NUDT7: variants seen among roughly 807,000 people sequenced by gnomAD.
NUDT7 encodes the protein nudix hydrolase 7.
Under a neutral mutation model 13.1 loss-of-function variants are expected in NUDT7, and 19 were observed. The ratio of observed to expected loss-of-function variants is 1.45; its 90% confidence interval spans 1.01 to 2.13. NUDT7 has a LOEUF of 2.13. Ranked by LOEUF, NUDT7 falls within the 30% of genes most tolerant of loss-of-function variation. NUDT7 has a pLI of 0.00. For synonymous variants in NUDT7, 132 were observed against 109.7 expected (o/e 1.20, Z -1.27); for missense variants, 360 against 291.7 (o/e 1.23, Z -1.71).
intron 2 of NUDT7, among the ~76,000 whole-genome samples, chr16:77,727,572 T>C (rs1597111670): frequency 6.6e-6 from 1 of 152,178 alleles, no homozygotes; most frequent in Admixed American, 6.5e-5. Flanking sequence ...TTATCAGATA[T>C]GGCCGTGTGC....
intron 2 of NUDT7, among the ~76,000 whole-genome samples, chr16:77,731,263 A>C (rs2014309611): frequency 1.3e-5 from 2 of 152,186 alleles, no homozygotes; most frequent in Admixed American, 6.6e-5. Context: ...AAATTGAATA[A>C]AATTGGTATG....
chr16:77,722,616 A>G lies in NUDT7; in HGVS notation c.34A>G (p.Arg12Gly), dbSNP rs372969143. 2,285 of 1,593,828 alleles carry G rather than the reference A, an allele frequency of 1.4e-3. 52 individuals are homozygous for G. The South Asian group carries it at 0.024, about 17-fold the overall frequency. ...ACTTGGTCTTCCCGAGGAGCCAGTC[A>G]GGTAAAGGCTTTCCGGGCCCTGGCA... ...SRLGLPEEPVRNSLLDDAKAR... is the reference protein window; with the variant it reads ...SRLGLPEEPVGNSLLDDAKAR... Residue 12 changes from arginine to glycine, a missense_variant and splice_region_variant, in exon 1 of 4, where the codon AGA becomes GGA. Arg to Gly is a moderately radical substitution (Grantham distance 125, BLOSUM62 -2). Transcript: ENST00000268533.
At chr16:77,727,028 T>A (rs1364147861) in intron 2 of NUDT7, among the ~76,000 whole-genome samples, 1 of 152,040 alleles carries the variant, frequency 6.6e-6, no homozygotes, top group Non-Finnish European at 1.5e-5. Flanking sequence ...TCATGAGAAC[T>A]CACTCACTAT....
chr16:77,722,617 G>T lies in NUDT7; in HGVS notation c.35G>T (p.Arg12Ile). The stretch of plus-strand genomic sequence containing the variant: ...CTTGGTCTTCCCGAGGAGCCAGTCA[G>T]GTAAAGGCTTTCCGGGCCCTGGCAC... ...SRLGLPEEPV[R>I]NSLLDDAKAR... The change falls in exon 1 of 4, where the codon AGA (arginine) becomes ATA (isoleucine). Residue 12 changes from arginine to isoleucine, a missense_variant and splice_region_variant. Arg to Ile is a moderately conservative substitution (Grantham distance 97). Coordinates refer to ENST00000268533, the MANE Select transcript of NUDT7 (RefSeq NM_001105663.3). 1 of 1,593,628 alleles carries T rather than the reference G, an allele frequency of 6.3e-7. No homozygotes were observed.
At chr16:77,723,523 T>C (rs1036166426) in intron 1 of NUDT7, among the ~76,000 whole-genome samples, 1 of 152,094 alleles carries the variant, frequency 6.6e-6, no homozygotes, top group African/African-American at 2.4e-5. Context: ...ACTGCATCAT[T>C]TAATCTTCTT....
intron 2 of NUDT7, 124 bp from the exon 3 acceptor site, chr16:77,735,704 G>T (rs1423557971): frequency 2.2e-6 from 2 of 894,368 alleles, no homozygotes; most frequent in Non-Finnish European, 1.8e-6. Context: ...TAGGGGTCTT[G>T]ATACCACCAC....
chr16:77,734,991 A>C (rs902448795), intron 2 of NUDT7, among the ~76,000 whole-genome samples: 4 of 152,166 alleles, frequency 2.6e-5, no homozygotes, highest in Admixed American at 6.6e-5. Flanking sequence ...CTTTTATGTG[A>C]ATTTCACCTC....
At chr16:77,732,317 A>G (rs190821685) in intron 2 of NUDT7, among the ~76,000 whole-genome samples, 13 of 148,058 alleles carry the variant, frequency 8.8e-5, no homozygotes, top group Admixed American at 8.3e-4. Context: ...GACAGACGAG[A>G]ACACGTCTCA....
chr16:77,725,638 A>C, intron 2 of NUDT7, 54 bp downstream of exon 2: 300 of 1,554,966 alleles, frequency 1.9e-4, no homozygotes, highest in Non-Finnish European at 2.4e-4. Flanking sequence ...AGAAGACCTC[A>C]CGAGATTTTG....
intron 1 of NUDT7, among the ~76,000 whole-genome samples, chr16:77,724,571 C>T (rs1286805230): frequency 2.0e-5 from 3 of 152,008 alleles, no homozygotes; most frequent in Non-Finnish European, 4.4e-5. Flanking sequence ...GCACTGGGCT[C>T]GTTTCTGCTT....
chr16:77,725,307 TAC>T lies in NUDT7; in HGVS notation c.36-120_36-119del, dbSNP rs951891142. ...TCATTTCTGTCGTGTTATTGAAAAA[TAC>T]ACAGAGAGTCAGAAATGGCAAACTC... On this transcript the variant is annotated intron_variant, in intron 1 of 3. Coordinates refer to ENST00000268533, the MANE Select transcript of NUDT7 (RefSeq NM_001105663.3). 5.0e-6 allele frequency: 4 copies of T among 797,674 alleles called. No individual in the cohort carries two copies. In the African/African-American group the frequency reaches 6.9e-5, roughly 14 times the overall value. The allele number at this position is 797,674 out of a possible 1,614,324, so 49.4% of individuals were successfully genotyped here.
intron 3 of NUDT7, among the ~76,000 whole-genome samples, chr16:77,737,697 G>A (rs1400358343): frequency 6.6e-6 from 1 of 152,164 alleles, no homozygotes; most frequent in Non-Finnish European, 1.5e-5. Flanking sequence ...GTGTTAGTCA[G>A]GATGGTCTCG....
Position 77,741,704 on chromosome 16 carries a change from C to A in NUDT7, c.471C>A (p.Val157=). The A allele has an allele frequency of 6.2e-7, 1 of 1,614,144 alleles. No homozygotes were observed. Among genetic ancestry groups the A allele is most frequent in the African/African-American group, 1.3e-5 (1 of 75,052 alleles). ...TGGCCTATTTCCTGCATCCACAGGT[C>A]CATGACCAGCATTACGTCACACGTC... The part of the protein sequence containing the change: ...VPLAYFLHPQ[V]HDQHYVTRLG... The change falls in exon 4 of 4, where the codon GTC becomes GTA. Residue 157 remains valine, a synonymous_variant. Transcript: ENST00000268533.
chr16:77,725,712 C>T, intron 2 of NUDT7, 128 bp downstream of exon 2: 2 of 723,688 alleles, frequency 2.8e-6, no homozygotes, highest in South Asian at 2.0e-5. Flanking sequence ...ATGTCAGAGG[C>T]ATACAACCAC....
At chr16:77,736,027 C>G (rs368352860) in intron 3 of NUDT7, 41 bp downstream of exon 3, 1 of 1,572,092 alleles carries the variant, frequency 6.4e-7, no homozygotes, top group Non-Finnish European at 8.8e-7. Context: ...CGTCCCCACC[C>G]CCAGGTGGAT....
intron 1 of NUDT7, among the ~76,000 whole-genome samples, chr16:77,724,051 G>T (rs1253057741): frequency 6.6e-6 from 1 of 152,116 alleles, no homozygotes; most frequent in Admixed American, 6.6e-5. Flanking sequence ...AATAGAAATG[G>T]TCTCTCATGG....
chr16:77,741,848 A>G lies in NUDT7; in HGVS notation c.615A>G (p.Glu205=). Residue 205 remains glutamate, a synonymous_variant, in exon 4 of 4, where the codon GAA becomes GAG. Coordinates refer to ENST00000268533, the MANE Select transcript of NUDT7 (RefSeq NM_001105663.3). The part of the protein sequence containing the change: ...LAVLVAFIIL[E]KKPTFEVQFN... ...TGTTGGTGGCCTTTATCATTTTGGAAAAAAAACCCACCTTTGAGGTTCAAT... is the reference window on the plus strand; with the variant it reads ...TGTTGGTGGCCTTTATCATTTTGGAGAAAAAACCCACCTTTGAGGTTCAAT... 6.2e-7 allele frequency: 1 copy of G among 1,614,152 alleles called. No individual in the cohort carries two copies. Among genetic ancestry groups the G allele is most frequent in the Non-Finnish European group, 8.5e-7 (1 of 1,180,022 alleles).
chr16:77,730,925 A>T (rs4888665), intron 2 of NUDT7, among the ~76,000 whole-genome samples: 69,331 of 151,558 alleles, frequency 0.46, 16,920 homozygotes, highest in African/African-American at 0.62. Context: ...GTCCATTTTT[A>T]AATTTTTTTT....
rs766942453 is a variant in NUDT7 at position 77,722,571 on chromosome 16, T to C, written c.-12T>C. 1.3e-6 allele frequency: 2 copies of C among 1,585,938 alleles called. No homozygotes were observed. Among genetic ancestry groups the C allele is most frequent in the African/African-American group, 1.3e-5 (1 of 74,356 alleles). ...CGAGGAGTCCGCCCGGAAACAAACA[T>C]TCCCCAGGGCAATGTCACGACTTGG... On this transcript the variant is annotated 5_prime_UTR_variant, in exon 1 of 4. Transcript: ENST00000268533.
Sources: allele counts gnomAD v4.1 joint callset (sites outside exome capture counted in the v4.1 genomes callset), GRCh38; gene constraint gnomAD v4.1.1; transcripts MANE v1.5; gene names NCBI Gene and HGNC (gene_info 2026-07-23, HGNC 2026-07-21).